The following GRIN2A variants were observed in gnomAD, a reference collection of about 807,000 sequenced individuals.
GRIN2A encodes the protein glutamate ionotropic receptor NMDA type subunit 2A.
In GRIN2A, 22 loss-of-function variants were observed where a neutral mutation model predicts 113.4. That is an observed-to-expected ratio of 0.19 (90% CI 0.14 to 0.28). GRIN2A has a LOEUF of 0.28. Among genes scored for constraint, GRIN2A ranks in the 10% least tolerant of loss-of-function variants. The pLI is 1.00. For synonymous variants in GRIN2A, 827 were observed against 738.4 expected (o/e 1.12, Z -1.94); for missense variants, 1,502 against 1,887.0 (o/e 0.80, Z 3.78).
intron 10 of GRIN2A, among the ~76,000 whole-genome samples, chr16:9,801,069 C>T (rs1003798410): frequency 6.6e-6 from 1 of 152,038 alleles, no homozygotes; most frequent in Non-Finnish European, 1.5e-5. Context: ...TGAGAGGTGG[C>T]GTTCATTGTG....
intron 2 of GRIN2A, among the ~76,000 whole-genome samples, chr16:10,147,071 C>T (rs2049455768): frequency 6.6e-6 from 1 of 152,088 alleles, no homozygotes; most frequent in African/African-American, 2.4e-5. Context: ...ATGATCAAAA[C>T]AGTACTTTGT....
chr16:9,796,282 AT>A (rs1902977644), intron 11 of GRIN2A, among the ~76,000 whole-genome samples: 1 of 152,212 alleles, frequency 6.6e-6, no homozygotes, highest in Non-Finnish European at 1.5e-5. Context: ...CCATACATGT[AT>A]TTATTCATTC....
At chr16:9,766,000 G>A in intron 12 of GRIN2A, among the ~76,000 whole-genome samples, 1 of 152,116 alleles carries the variant, frequency 6.6e-6, no homozygotes, top group Non-Finnish European at 1.5e-5. Flanking sequence ...CAAGGGAAGA[G>A]CCCTTGATTC....
intron 3 of GRIN2A, among the ~76,000 whole-genome samples, chr16:9,932,437 G>A (rs902465433): frequency 3.3e-5 from 5 of 152,092 alleles, no homozygotes; most frequent in African/African-American, 4.8e-5. Context: ...ATGCAGTGAC[G>A]TGATCTCAGC....
At chr16:10,102,126 G>A (rs751571234) in intron 2 of GRIN2A, among the ~76,000 whole-genome samples, 27 of 152,324 alleles carry the variant, frequency 1.8e-4, no homozygotes, top group Non-Finnish European at 2.6e-4. Context: ...AGGACACAGA[G>A]GTTCTGATAT....
chr16:10,001,836 A>T (rs543402770), intron 2 of GRIN2A, among the ~76,000 whole-genome samples: 1 of 152,336 alleles, frequency 6.6e-6, no homozygotes, highest in African/African-American at 2.4e-5. Context: ...AAATTTGAGG[A>T]GAGACAAATA....
chr16:9,927,000 C>A (rs1391610072), intron 3 of GRIN2A, among the ~76,000 whole-genome samples: 2 of 151,778 alleles, frequency 1.3e-5, no homozygotes, highest in Admixed American at 6.6e-5. Flanking sequence ...GGTTTGGAAC[C>A]AAAGGAAACT....
intron 2 of GRIN2A, among the ~76,000 whole-genome samples, chr16:10,114,579 A>T (rs1441069193): frequency 2.0e-5 from 3 of 152,192 alleles, no homozygotes; most frequent in East Asian, 3.8e-4. Context: ...CGATCCCAGG[A>T]AGTGAATAGC....
At chr16:9,909,261 A>G (rs979096441) in intron 3 of GRIN2A, among the ~76,000 whole-genome samples, 2 of 152,178 alleles carry the variant, frequency 1.3e-5, no homozygotes, top group African/African-American at 4.8e-5. Context: ...CGCCCCTATG[A>G]TTCAATTACC....
At chr16:10,104,296 A>T (rs2048453086) in intron 2 of GRIN2A, among the ~76,000 whole-genome samples, 1 of 152,236 alleles carries the variant, frequency 6.6e-6, no homozygotes, top group Non-Finnish European at 1.5e-5. Flanking sequence ...AAGTGGATGG[A>T]TATGAACACT....
chr16:9,960,656 G>A, intron 2 of GRIN2A, among the ~76,000 whole-genome samples: 1 of 152,024 alleles, frequency 6.6e-6, no homozygotes, highest in Non-Finnish European at 1.5e-5. Flanking sequence ...ACAAGGTCTG[G>A]CTCTGTTACC....
intron 4 of GRIN2A, among the ~76,000 whole-genome samples, chr16:9,873,093 A>T (rs2141431262): frequency 6.6e-6 from 1 of 152,142 alleles, no homozygotes; most frequent in Admixed American, 6.5e-5. Context: ...AAGGACAAAT[A>T]CTGCATGTTC....
At chr16:9,940,786 T>A (rs375113261) in intron 2 of GRIN2A, among the ~76,000 whole-genome samples, 1 of 152,254 alleles carries the variant, frequency 6.6e-6, no homozygotes, top group East Asian at 1.9e-4. Context: ...CCAACCTATA[T>A]CTCAATGTAT....
intron 10 of GRIN2A, among the ~76,000 whole-genome samples, chr16:9,809,551 A>AT (rs539535265): frequency 0.05 from 7,357 of 146,826 alleles, 600 homozygotes; most frequent in African/African-American, 0.17. Flanking sequence ...CTGTATTTTC[A>AT]TTTTTTTTTT....
intron 4 of GRIN2A, among the ~76,000 whole-genome samples, chr16:9,886,551 T>C (rs1389553683): frequency 6.6e-6 from 1 of 152,162 alleles, no homozygotes. Flanking sequence ...CAGAAGCCCA[T>C]AGAATCCCAG....
intron 2 of GRIN2A, among the ~76,000 whole-genome samples, chr16:9,958,900 A>C (rs1216791245): frequency 6.6e-6 from 1 of 152,208 alleles, no homozygotes; most frequent in African/African-American, 2.4e-5. Flanking sequence ...AGAAGGTGCC[A>C]GTGAATATTT....
At chr16:10,124,173 G>A (rs2048883860) in intron 2 of GRIN2A, among the ~76,000 whole-genome samples, 1 of 152,174 alleles carries the variant, frequency 6.6e-6, no homozygotes, top group Admixed American at 6.5e-5. Context: ...GAAGGGCCGT[G>A]TGCGTGCCCT....
At chr16:9,791,892 C>T (rs965474567) in intron 11 of GRIN2A, among the ~76,000 whole-genome samples, 4 of 152,084 alleles carry the variant, frequency 2.6e-5, no homozygotes, top group Non-Finnish European at 5.9e-5. Flanking sequence ...ACTCCAAGAT[C>T]TGTGAGCATC....
Position 10,140,330 on chromosome 16 carries a change from A to G in GRIN2A, c.414+39668T>C, listed in dbSNP as rs117218600. ...AGGATAAGAAGAGTCCCTGGTGAAG[A>G]AAAGGTGAGGAACTTCAGAAGAATT... On this transcript the variant is annotated intron_variant, in intron 2 of 12. Coordinates refer to ENST00000330684, the MANE Select transcript of GRIN2A (RefSeq NM_001134407.3). Among the ~76,000 whole-genome samples, 39 of 152,246 alleles carry G rather than the reference A, an allele frequency of 2.6e-4. No individual in the cohort carries two copies. In the East Asian group the frequency reaches 7.3e-3, roughly 29 times the overall value.
Sources: gnomAD v4.1 joint callset for allele counts (sites outside exome capture counted in the v4.1 genomes callset) on GRCh38, gnomAD v4.1.1 for gene constraint, MANE v1.5 for transcripts, NCBI Gene and HGNC (gene_info 2026-07-23, HGNC 2026-07-21) for gene names.